SFTPD: variants seen among roughly 807,000 people sequenced by gnomAD.
SFTPD encodes pulmonary surfactant-associated protein D.
In SFTPD, 18 loss-of-function variants were observed where a neutral mutation model predicts 34.6. The observed-to-expected ratio is 0.52, with a 90% CI of 0.36 to 0.77. The LOEUF (loss-of-function observed/expected upper bound fraction) is 0.77, where lower values mean the gene tolerates loss of function less well. Among genes scored for constraint, SFTPD ranks in the 30% least tolerant of loss-of-function variants. SFTPD has a pLI of 0.00. For synonymous variants in SFTPD, 155 were observed against 180.9 expected, an observed-to-expected ratio of 0.86 and a Z score of 1.15; for missense variants, 433 against 468.9, an observed-to-expected ratio of 0.92 and a Z score of 0.71.
At chr10:79,979,972 C>T (rs770453335) in intron 1 of SFTPD, among the ~76,000 whole-genome samples, 8 of 152,330 alleles carry the variant, frequency 5.3e-5, no homozygotes, top group Non-Finnish European at 7.3e-5. Context: ...CCTGAAGCCC[C>T]AATTCTAAGC....
At chr10:79,951,360 C>T (rs1249956733), upstream of SFTPD, among the ~76,000 whole-genome samples, 1 of 152,108 alleles carries the variant, frequency 6.6e-6, no homozygotes, top group Non-Finnish European at 1.5e-5. Flanking sequence ...GGGATTTTTT[C>T]CCCCTTTGAA....
chr10:79,964,047 G>A (rs1276380881), intron 1 of SFTPD, among the ~76,000 whole-genome samples: 2 of 152,074 alleles, frequency 1.3e-5, no homozygotes, highest in African/African-American at 4.8e-5. Flanking sequence ...GGCAGGCTAT[G>A]CTATAGTATC....
rs1381646324 is a variant in SFTPD at position 79,940,768 on chromosome 10, G to C, written c.688C>G (p.Gln230Glu). The change falls in exon 7 of 8, where the codon CAG becomes GAG. Residue 230 changes from glutamine (Q) to glutamate (E), a missense_variant. Transcript: ENST00000372292. Reference protein sequence around the residue: ...GLPDVASLRQQVEALQGQVQH... With the variant: ...GLPDVASLRQEVEALQGQVQH... ...ACTTGTCCCTGTAAGGCCTCAACCT[G>C]CTGCCTCAGAGAAGCAACATCTGGA... 1.9e-6 allele frequency: 3 copies of C among 1,610,930 alleles called. No individual in the cohort carries two copies. In the East Asian group the frequency reaches 6.7e-5, roughly 36 times the overall value.
rs1589342767 is a variant in SFTPD at position 79,969,810 on chromosome 10, G to A, written c.36+12765C>T. Reference sequence around the variant, plus strand: ...TAACCCTTTATCAGATGTAGAGTTTGCAAATATTTTCTCCCATTCTGTAGG... The same window carrying A: ...TAACCCTTTATCAGATGTAGAGTTTACAAATATTTTCTCCCATTCTGTAGG... On this transcript the variant is annotated intron_variant, in intron 1 of 5. Coordinates refer to the SFTPD transcript ENST00000444384. The A allele has an allele frequency of 2.0e-5, 3 of 152,146 alleles. No individual in the cohort carries two copies. The South Asian group carries it at 6.2e-4, about 31-fold the overall frequency. 9.4% of individuals were successfully genotyped at this position (152,146 alleles called of 1,614,324 possible). A position where few individuals can be genotyped will look rare whatever the true frequency, so the allele number is the denominator to read the frequency against.
rs746538630 is a variant in SFTPD, at chr10:79,937,839, C to T, written c.*13G>A. The T allele has an allele frequency of 2.0e-6, 3 of 1,527,870 alleles. No homozygotes were observed. In the African/African-American group the frequency reaches 4.1e-5, roughly 21 times the overall value. 94.6% of individuals were successfully genotyped at this position (1,527,870 alleles called of 1,614,324 possible). On this transcript the variant is annotated 3_prime_UTR_variant, in exon 8 of 8. Coordinates refer to ENST00000372292, the MANE Select transcript of SFTPD (RefSeq NM_003019.5). ...CTCCTGGGCCAAGCACTGCCCCACC[C>T]ACCCCAGTTGGCTCAGAACTCGCAG... is the stretch of plus-strand genomic sequence containing the variant.
chr10:79,970,640 G>C (rs1273113087), intron 1 of SFTPD: 5 of 151,932 alleles, frequency 3.3e-5, no homozygotes, highest in Admixed American at 6.6e-5. Flanking sequence ...ATTGAAATAG[G>C]ATTGCTTTTT....
At chr10:79,962,148 G>C (rs1379826925) in intron 1 of SFTPD, among the ~76,000 whole-genome samples, 4 of 115,420 alleles carry the variant, frequency 3.5e-5, no homozygotes, top group Admixed American at 1.0e-4. Context: ...ACTGTTGTGG[G>C]GTGGGGGGAG....
intron 1 of SFTPD, among the ~76,000 whole-genome samples, chr10:79,980,135 T>C (rs1842882552): frequency 6.6e-6 from 1 of 152,066 alleles, no homozygotes; most frequent in Admixed American, 6.5e-5. Flanking sequence ...AGGCAGTAAG[T>C]ACCATGGATT....
intron 1 of SFTPD, among the ~76,000 whole-genome samples, chr10:79,959,879 T>C (rs2132513016): frequency 6.6e-6 from 1 of 152,162 alleles, no homozygotes; most frequent in South Asian, 2.1e-4. Flanking sequence ...TGATGAACAT[T>C]GATGCAAAAA....
intron 1 of SFTPD, among the ~76,000 whole-genome samples, chr10:79,974,950 A>C (rs1405757678): frequency 6.6e-6 from 1 of 152,210 alleles, no homozygotes; most frequent in Non-Finnish European, 1.5e-5. Flanking sequence ...AGTATCCCTT[A>C]TGGGAAACAA....
intron 7 of SFTPD, 125 bp from the exon 8 acceptor site, chr10:79,938,353 CAG>C (rs1842578640): frequency 1.2e-6 from 1 of 802,588 alleles, no homozygotes; most frequent in African/African-American, 1.7e-5. Flanking sequence ...ATCAGGATGC[CAG>C]AGAGAATGCA....
intron 1 of SFTPD, chr10:79,982,286 C>T (rs1589346065): frequency 1.0e-6 from 1 of 998,094 alleles, no homozygotes; most frequent in Non-Finnish European, 1.3e-6. Flanking sequence ...CACCGCGGGG[C>T]GGTTCCCGGC....
At chr10:79,962,993 T>A (rs1842783473) in intron 1 of SFTPD, among the ~76,000 whole-genome samples, 1 of 152,168 alleles carries the variant, frequency 6.6e-6, no homozygotes. Context: ...CATTTATCTA[T>A]CAGTCTACCA....
At chr10:79,947,535 T>G (rs1011033781) in intron 1 of SFTPD, among the ~76,000 whole-genome samples, 9 of 151,954 alleles carry the variant, frequency 5.9e-5, no homozygotes, top group Non-Finnish European at 1.3e-4. Context: ...ACTAAAAGTA[T>G]AAAAAATTAG....
At chr10:79,943,508 A>G (rs1187877704) in intron 2 of SFTPD, among the ~76,000 whole-genome samples, 1 of 152,136 alleles carries the variant, frequency 6.6e-6, no homozygotes, top group African/African-American at 2.4e-5. Context: ...TTCTTCAAAG[A>G]GAAAGTGGGA....
intron 1 of SFTPD, among the ~76,000 whole-genome samples, chr10:79,961,451 A>T (rs992435670): frequency 2.7e-5 from 3 of 111,578 alleles, no homozygotes; most frequent in African/African-American, 1.0e-4. Context: ...AATTTACAAG[A>T]AAAAAAACAA....
chr10:79,954,578 G>A (rs1273057240), intron 1 of SFTPD, among the ~76,000 whole-genome samples: 5 of 152,168 alleles, frequency 3.3e-5, no homozygotes, highest in Admixed American at 6.5e-5. Context: ...CTGCAGGTGG[G>A]CAGGTTGCCT....
intron 6 of SFTPD, 68 bp from the exon 7 acceptor site, chr10:79,940,856 C>A: frequency 3.7e-6 from 4 of 1,067,180 alleles, no homozygotes; most frequent in Non-Finnish European, 5.8e-6. Context: ...GAGTCTGGGC[C>A]CCAAAGGAAG....
At chr10:79,939,887 G>A (rs1842594531) in intron 7 of SFTPD, among the ~76,000 whole-genome samples, 1 of 152,180 alleles carries the variant, frequency 6.6e-6, no homozygotes, top group African/African-American at 2.4e-5. Context: ...CACTGATGTG[G>A]AGATTCAAAA....
Sources: gnomAD v4.1 joint callset for allele counts (sites outside exome capture counted in the v4.1 genomes callset) on GRCh38, gnomAD v4.1.1 for gene constraint, MANE v1.5 for transcripts, NCBI Gene and HGNC (gene_info 2026-07-23, HGNC 2026-07-21) for gene names.